Variants in RAPGEF1 observed in about 807,000 individuals in gnomAD.
The protein encoded by RAPGEF1 is CRK SH3-binding GNRP.
A neutral mutation model predicts 143.3 loss-of-function variants in RAPGEF1; 33 were observed. The ratio of observed to expected loss-of-function variants is 0.23; its 90% CI spans 0.17 to 0.31. The LOEUF (loss-of-function observed/expected upper bound fraction) is 0.31. Ranked by LOEUF, RAPGEF1 falls within the 10% of genes least tolerant of loss-of-function variation. RAPGEF1 has a pLI of 1.00. For synonymous variants in RAPGEF1, 629 were observed against 676.5 expected (o/e 0.93, Z 1.09); for missense variants, 1,199 against 1,645.4 (o/e 0.73, Z 4.69).
At chr9:131,672,809 G>A (rs1036535511) in intron 1 of RAPGEF1, among the ~76,000 whole-genome samples, 3 of 152,138 alleles carry the variant, frequency 2.0e-5, no homozygotes, top group African/African-American at 7.2e-5. Context: ...GTCCGTGTAG[G>A]GTAAGAGGGG....
intron 15 of RAPGEF1, among the ~76,000 whole-genome samples, chr9:131,601,629 G>C (rs1279229505): frequency 6.6e-6 from 1 of 152,182 alleles, no homozygotes; most frequent in Non-Finnish European, 1.5e-5. Flanking sequence ...AAGAGGGCCA[G>C]GTACAGTGGC....
At chr9:131,636,395 T>C (rs1966381598) in intron 5 of RAPGEF1, among the ~76,000 whole-genome samples, 1 of 152,250 alleles carries the variant, frequency 6.6e-6, no homozygotes, top group Non-Finnish European at 1.5e-5. Context: ...TGCTCTGACA[T>C]TGACAAGTTC....
At chr9:131,635,540 T>G (rs1480609121) in intron 5 of RAPGEF1, among the ~76,000 whole-genome samples, 1 of 152,200 alleles carries the variant, frequency 6.6e-6, no homozygotes, top group Non-Finnish European at 1.5e-5. Flanking sequence ...ATGAGTGCAT[T>G]TCCCTTCTGC....
intron 1 of RAPGEF1, among the ~76,000 whole-genome samples, chr9:131,688,850 A>T (rs1833567755): frequency 6.6e-6 from 1 of 152,244 alleles, no homozygotes; most frequent in South Asian, 2.1e-4. Context: ...GTGAGCCAAG[A>T]TCGTGCCACT....
chr9:131,635,238 C>T (rs1298010542), intron 5 of RAPGEF1, among the ~76,000 whole-genome samples: 2 of 152,122 alleles, frequency 1.3e-5, no homozygotes, highest in Non-Finnish European at 2.9e-5. Context: ...ACTGAATTTC[C>T]TCAAATCTTC....
Position 131,583,751 on chromosome 9 carries a change from G to A in RAPGEF1, c.3414+560C>T, listed in dbSNP as rs559789747. ...GGATGTGGTCCCCTGGCCTCCTCCT[G>A]TCCCTGGAGGTGCTGACCCCCACCT... On this transcript the variant is annotated intron_variant, in intron 24 of 26. Coordinates refer to ENST00000683357, the MANE Select transcript of RAPGEF1 (RefSeq NM_001377935.1). The surrounding 1 kb of genome is among the most constrained non-coding windows in gnomAD (Gnocchi z 4.7). 1.2e-3 allele frequency among the ~76,000 whole-genome samples: 190 copies of A among 152,242 alleles called. No individual in the cohort carries two copies. Among genetic ancestry groups the A allele is most frequent in the Non-Finnish European group, 2.2e-3 (148 of 68,006 alleles).
At chr9:131,660,627 T>C (rs1048803268) in intron 1 of RAPGEF1, among the ~76,000 whole-genome samples, 1 of 152,140 alleles carries the variant, frequency 6.6e-6, no homozygotes, top group African/African-American at 2.4e-5. Context: ...CTGGCCTGTC[T>C]GCGCCCTTGT....
At chr9:131,648,089 G>T (rs1970135178) in intron 3 of RAPGEF1, among the ~76,000 whole-genome samples, 1 of 152,150 alleles carries the variant, frequency 6.6e-6, no homozygotes, top group Admixed American at 6.5e-5. Flanking sequence ...TTGGAAAAAT[G>T]AATAAAGGGG....
chr9:131,732,355 G>C (rs1393227389), intron 1 of RAPGEF1, among the ~76,000 whole-genome samples: 1 of 152,236 alleles, frequency 6.6e-6, no homozygotes, highest in Non-Finnish European at 1.5e-5. Flanking sequence ...GGCAGAACGA[G>C]CATTACCTAA....
At position 131,598,267 on chromosome 9, in the gene RAPGEF1, C is replaced by T; in HGVS notation, c.2545G>A (p.Glu849Lys). 3 of 1,614,044 alleles carry T rather than the reference C, an allele frequency of 1.9e-6. No individual in the cohort carries two copies. The highest frequency in any genetic ancestry group is 2.5e-6 in the Non-Finnish European group (3 of 1,179,904). Residue 849 changes from glutamate (E) to lysine (K), a missense_variant, in exon 16 of 27, where the codon GAG becomes AAG. This residue lies in a region of RAPGEF1 where 293 missense variants were observed against 356.2 expected (regional missense o/e 0.82). Transcript: ENST00000683357. Reference protein sequence around the residue: ...PDALESAQSEEEVDELSLIDH... With the variant: ...PDALESAQSEKEVDELSLIDH... The stretch of plus-strand genomic sequence containing the variant: ...ATGAGGGACAGCTCGTCCACTTCCT[C>T]CTCCGACTGAGCCGACTCCAGAGCA...
chr9:131,724,133 G>A (rs1836466456), intron 1 of RAPGEF1, among the ~76,000 whole-genome samples: 1 of 152,236 alleles, frequency 6.6e-6, no homozygotes, highest in Admixed American at 6.5e-5. Context: ...GAGTGGCCAT[G>A]CCAAAGCTGT....
intron 5 of RAPGEF1, among the ~76,000 whole-genome samples, chr9:131,632,626 C>A (rs1344556050): frequency 6.6e-6 from 1 of 152,130 alleles, no homozygotes. Flanking sequence ...TAGAACCAGA[C>A]AATGGGCTGA....
At chr9:131,693,276 G>A (rs1833910142) in intron 1 of RAPGEF1, among the ~76,000 whole-genome samples, 1 of 152,084 alleles carries the variant, frequency 6.6e-6, no homozygotes, top group Admixed American at 6.5e-5. Flanking sequence ...TGTCTCCTAG[G>A]TGAGAGCATG....
intron 1 of RAPGEF1, among the ~76,000 whole-genome samples, chr9:131,692,324 T>C (rs947430104): frequency 6.6e-6 from 1 of 152,230 alleles, no homozygotes; most frequent in Non-Finnish European, 1.5e-5. Context: ...AGTACACCTG[T>C]TATTAGATTG....
intron 14 of RAPGEF1, among the ~76,000 whole-genome samples, chr9:131,603,535 T>C (rs1467977000): frequency 6.6e-6 from 1 of 152,032 alleles, no homozygotes; most frequent in African/African-American, 2.4e-5. Context: ...CAATGGGACA[T>C]GCTGGGGAGG....
chr9:131,739,853 G>GGGCCCGGGCCGGGCCGCCGCT lies in RAPGEF1; in HGVS notation c.-24_-23insAGCGGCGGCCCGGCCCGGGCC. On this transcript the variant is annotated 5_prime_UTR_variant, in exon 1 of 27. Transcript: ENST00000683357. ...CATCGGGCCCGGGCCGGGCCGCCGC[G>GGGCCCGGGCCGGGCCGCCGCT]GGGCGACAGGGGCGGCGCGCCCGCC... is the stretch of plus-strand genomic sequence containing the variant. 9.9e-6 allele frequency: 10 copies of GGGCCCGGGCCGGGCCGCCGCT among 1,005,526 alleles called. No homozygotes were observed. Among genetic ancestry groups the GGGCCCGGGCCGGGCCGCCGCT allele is most frequent in the Non-Finnish European group, 1.2e-5 (10 of 847,172 alleles). The allele number at this position is 1,005,526 out of a possible 1,614,324, so 62.3% of individuals were successfully genotyped here.
chr9:131,729,497 T>C (rs1836885799), intron 1 of RAPGEF1, among the ~76,000 whole-genome samples: 1 of 152,252 alleles, frequency 6.6e-6, no homozygotes, highest in East Asian at 1.9e-4. Context: ...AACCAGGGGC[T>C]TCTTCATAAA....
chr9:131,714,149 T>G (rs1589084224), intron 1 of RAPGEF1, among the ~76,000 whole-genome samples: 1 of 152,030 alleles, frequency 6.6e-6, no homozygotes, highest in African/African-American at 2.4e-5. Flanking sequence ...CCCGAGTAGC[T>G]GGACTCCAGG....
chr9:131,590,183 G>T (rs1299120530), intron 18 of RAPGEF1, among the ~76,000 whole-genome samples: 1 of 152,104 alleles, frequency 6.6e-6, no homozygotes, highest in African/African-American at 2.4e-5. Context: ...TGTCCCCAGG[G>T]ATGCCCCCGG....
Sources: allele counts gnomAD v4.1 joint callset (sites outside exome capture counted in the v4.1 genomes callset), GRCh38; gene constraint gnomAD v4.1.1; regional missense constraint gnomAD v4.1.1; non-coding constraint Gnocchi (gnomAD v3.1); transcripts MANE v1.5; gene names NCBI Gene and HGNC (gene_info 2026-07-23, HGNC 2026-07-21).